CPAMD8: variants seen among roughly 807,000 people sequenced by gnomAD.
The protein encoded by CPAMD8 is C3 and PZP like alpha-2-macroglobulin domain containing 8.
Under a neutral mutation model 224.7 loss-of-function variants are expected in CPAMD8, and 146 were observed. The ratio of observed to expected loss-of-function variants is 0.65; its 90% confidence interval spans 0.57 to 0.75. The LOEUF is 0.75. Among genes scored for constraint, CPAMD8 ranks in the 30% least tolerant of loss-of-function variants. The pLI, the probability that CPAMD8 is intolerant of heterozygous loss-of-function variation, is 0.00. For missense variants in CPAMD8, 2,301 were observed against 2,537.5 expected, an observed-to-expected ratio of 0.91 and a Z score of 2.00; for synonymous variants, 966 against 1,044.6, an observed-to-expected ratio of 0.92 and a Z score of 1.45.
rs2056345986 is a variant in CPAMD8, at chr19:17,002,152, C to T, written c.758+114G>A. ...GGGAACCAGGAAGGGAGGGGCACAC[C>T]CATGTGGGAGGGAGGGAGGCAGCAG... is the stretch of plus-strand genomic sequence containing the variant. On this transcript the variant is annotated intron_variant, in intron 9 of 41. Coordinates refer to ENST00000443236, the MANE Select transcript of CPAMD8 (RefSeq NM_015692.5). The T allele has an allele frequency of 4.3e-6, 3 of 691,662 alleles. No individual in the cohort carries two copies. In the African/African-American group the frequency reaches 5.4e-5, roughly 12 times the overall value. 42.8% of individuals were successfully genotyped at this position (691,662 alleles called of 1,614,324 possible). A position where few individuals can be genotyped will look rare whatever the true frequency, so the allele number is the denominator to read the frequency against.
intron 13 of CPAMD8, among the ~76,000 whole-genome samples, chr19:16,984,330 AAG>A (rs770216662): frequency 0.072 from 9,486 of 132,008 alleles, 725 homozygotes; most frequent in African/African-American, 0.16. Context: ...AAAAAAAAAA[AAG>A]AGAGAGAGAG....
chr19:16,895,542 T>G, intron 41 of CPAMD8: 1 of 224,998 alleles, frequency 4.4e-6, no homozygotes, highest in Admixed American at 5.1e-5. Flanking sequence ...GAGATGAAGT[T>G]ATGGAAGAGC....
At chr19:16,995,297 A>G (rs937451077) in intron 11 of CPAMD8, among the ~76,000 whole-genome samples, 1 of 152,208 alleles carries the variant, frequency 6.6e-6, no homozygotes, top group Non-Finnish European at 1.5e-5. Context: ...AGGGCCAGGG[A>G]TGTGGCCCAC....
At chr19:16,987,179 A>ATAT (rs1169938247) in intron 13 of CPAMD8, among the ~76,000 whole-genome samples, 2 of 53,914 alleles carry the variant, frequency 3.7e-5, no homozygotes, top group Admixed American at 3.2e-4. Flanking sequence ...AAAAAAAAAA[A>ATAT]ATATATATAT....
At position 16,899,230 on chromosome 19, in the gene CPAMD8, T is replaced by C. The variant is rs2052153422; in HGVS notation, c.4848+245A>G. ...GCCAAAGGGCCTGGGCACTTTTTTA[T>C]ATTTTTTGTAAAGATGGGGTCTCGC... On this transcript the variant is annotated intron_variant, in intron 37 of 41. Transcript: ENST00000443236. The surrounding 1 kb of genome is among the most constrained non-coding windows in gnomAD (Gnocchi z 5.4). Among the ~76,000 whole-genome samples the C allele has an allele frequency of 6.6e-6, 1 of 152,166 alleles. No homozygotes were observed. The highest frequency in any genetic ancestry group is 6.5e-5 in the Admixed American group (1 of 15,280).
At position 16,904,568 on chromosome 19, in the gene CPAMD8, TG is replaced by T. The variant is rs745771504; in HGVS notation, c.4028-17del. The T allele has an allele frequency of 1.3e-6, 2 of 1,582,530 alleles. No individual in the cohort carries two copies. Among genetic ancestry groups the T allele is most frequent in the South Asian group, 1.1e-5 (1 of 90,434 alleles). On this transcript the variant is annotated splice_polypyrimidine_tract_variant and intron_variant, in intron 30 of 41. Transcript: ENST00000443236. ...GTGACCCCATCTGCAAGGAAAGGAGTGGTCAAGAGCTATAACCCACCCAGTG... is the reference window on the plus strand; with the variant it reads ...GTGACCCCATCTGCAAGGAAAGGAGTGTCAAGAGCTATAACCCACCCAGTG...
chr19:17,012,040 A>C (rs2056669296), intron 3 of CPAMD8, among the ~76,000 whole-genome samples: 1 of 151,854 alleles, frequency 6.6e-6, no homozygotes, highest in Non-Finnish European at 1.5e-5. Context: ...TTTTTTTTGG[A>C]GACAAGGCTT....
chr19:16,913,292 C>T (rs2052797151), intron 29 of CPAMD8, among the ~76,000 whole-genome samples: 1 of 152,132 alleles, frequency 6.6e-6, no homozygotes, highest in Admixed American at 6.5e-5. Flanking sequence ...GAAGCTCTAA[C>T]TCCTAATATG....
chr19:16,960,292 G>C (rs1371161148), intron 18 of CPAMD8, among the ~76,000 whole-genome samples: 1 of 152,118 alleles, frequency 6.6e-6, no homozygotes, highest in Non-Finnish European at 1.5e-5. Flanking sequence ...CCTCTCCTAG[G>C]AGCAGACCCC....
At chr19:16,919,635 G>A (rs2053093188) in intron 27 of CPAMD8, among the ~76,000 whole-genome samples, 1 of 152,258 alleles carries the variant, frequency 6.6e-6, no homozygotes, top group African/African-American at 2.4e-5. Context: ...GGGGTCACTT[G>A]TTACACAGCA....
At chr19:16,904,176 A>AGGCGCCCCCCCCCCCC in intron 32 of CPAMD8, 50 bp downstream of exon 32, 1 of 937,340 alleles carries the variant, frequency 1.1e-6, no homozygotes, top group African/African-American at 1.6e-5. Context: ...GACTGCAGGG[A>AGGCGCCCCCCCCCCCC]CCCCACCCAC....
intron 19 of CPAMD8, among the ~76,000 whole-genome samples, chr19:16,956,604 A>G (rs1310675249): frequency 6.6e-6 from 1 of 152,152 alleles, no homozygotes; most frequent in Non-Finnish European, 1.5e-5. Flanking sequence ...CCAAGACAGG[A>G]AGATCACTTG....
rs183598517 is a variant in CPAMD8 at position 16,975,042 on chromosome 19, C to A, written c.2070+55G>T. On this transcript the variant is annotated intron_variant, in intron 17 of 41. Coordinates refer to ENST00000443236, the MANE Select transcript of CPAMD8 (RefSeq NM_015692.5). ...TTCTGAATCTCCAAGACTCTTATTT[C>A]TAGGCAAGAGGAACTTAGAAGGGGG... 3.3e-4 allele frequency: 508 copies of A among 1,561,992 alleles called. 1 individual carries two copies. The highest frequency in any genetic ancestry group is 2.2e-3 in the Admixed American group (110 of 49,014).
rs2055877506 is a variant in CPAMD8 at position 16,989,833 on chromosome 19, G to A, written c.1267-62C>T. ...CCAAGAGCAGAAAGGGGGTCTTGGG[G>A]ATGCTTCTGCTTGCTCTGCCCAGAA... On this transcript the variant is annotated intron_variant, in intron 12 of 41. Transcript: ENST00000443236. The A allele has an allele frequency of 3.9e-6, 6 of 1,528,752 alleles. No homozygotes were observed. The East Asian group carries it at 1.4e-4, about 35-fold the overall frequency. The allele number at this position is 1,528,752 out of a possible 1,614,324, so 94.7% of individuals were successfully genotyped here.
At chr19:17,020,482 G>A in intron 2 of CPAMD8, 129 bp from the exon 3 acceptor site, 1 of 699,090 alleles carries the variant, frequency 1.4e-6, no homozygotes, top group East Asian at 2.6e-5. Flanking sequence ...CACACCCTGG[G>A]TCATGCTGGC....
intron 27 of CPAMD8, among the ~76,000 whole-genome samples, chr19:16,915,020 C>G (rs1270430217): frequency 1.3e-5 from 2 of 152,206 alleles, no homozygotes; most frequent in African/African-American, 4.8e-5. Context: ...GAAGACGGAG[C>G]TCTCTCCTTC....
Position 16,993,510 on chromosome 19 carries a change from T to A in CPAMD8, c.1172A>T (p.Asp391Val). Residue 391 changes from aspartate to valine, a missense_variant, in exon 12 of 42, where the codon GAT becomes GTT. By Grantham distance (152) the Asp-to-Val change is radical. This residue lies in a region of CPAMD8 where 301 missense variants were observed against 406.6 expected (regional missense o/e 0.74). Coordinates refer to ENST00000443236, the MANE Select transcript of CPAMD8 (RefSeq NM_015692.5). ...CACAACTTCACTGGTGTAGATGTTA[T>A]CCTTTGGTGTCAGCTCTGCCTTAAT... ...VQIKAELTPK[D>V]NIYTSEVVSQ... is the part of the protein sequence containing the mutation. The A allele has an allele frequency of 1.2e-6, 2 of 1,613,684 alleles. No individual in the cohort carries two copies. The highest frequency in any genetic ancestry group is 4.5e-5 in the East Asian group (2 of 44,850).
intron 27 of CPAMD8, 46 bp downstream of exon 27, chr19:16,921,859 C>A (rs368433220): frequency 7.8e-6 from 10 of 1,288,526 alleles, no homozygotes; most frequent in Middle Eastern, 3.6e-4. Flanking sequence ...GCCATGGCGT[C>A]GGGCGGGGAG....
intron 13 of CPAMD8, among the ~76,000 whole-genome samples, chr19:16,989,202 C>A (rs910999555): frequency 6.6e-6 from 1 of 152,148 alleles, no homozygotes; most frequent in African/African-American, 2.4e-5. Context: ...ATCCCCCGTG[C>A]CCGTGCCCCC....
Sources: gnomAD v4.1 joint callset for allele counts (sites outside exome capture counted in the v4.1 genomes callset) on GRCh38, gnomAD v4.1.1 for gene constraint, gnomAD v4.1.1 regional missense constraint, Gnocchi (gnomAD v3.1) non-coding constraint, MANE v1.5 for transcripts, NCBI Gene and HGNC (gene_info 2026-07-23, HGNC 2026-07-21) for gene names.